The following DCC variants were observed in gnomAD, a reference collection of about 807,000 sequenced individuals.
DCC encodes DCC netrin 1 receptor.
In DCC, 58 loss-of-function variants were observed where a neutral mutation model predicts 172.5. The observed-to-expected ratio is 0.34, with a 90% CI of 0.27 to 0.42. The LOEUF (loss-of-function observed/expected upper bound fraction) is 0.42, where lower values mean the gene tolerates loss of function less well. DCC is among the 10% of genes least tolerant of loss of function. The pLI, the probability that DCC is intolerant of heterozygous loss-of-function variation, is 1.00. For missense variants in DCC, 1,740 were observed against 1,791.0 expected, an observed-to-expected ratio of 0.97 and a Z score of 0.51; for synonymous variants, 709 against 644.5, an observed-to-expected ratio of 1.10 and a Z score of -1.52.
At chr18:52,601,697 A>G (rs1488149413) in intron 1 of DCC, among the ~76,000 whole-genome samples, 1 of 152,086 alleles carries the variant, frequency 6.6e-6, no homozygotes, top group Admixed American at 6.5e-5. Context: ...ACCAATCATC[A>G]TTTTAAAACT....
At chr18:52,951,340 T>C (rs2040643115) in intron 5 of DCC, among the ~76,000 whole-genome samples, 1 of 152,168 alleles carries the variant, frequency 6.6e-6, no homozygotes, top group African/African-American at 2.4e-5. Context: ...CAGGTATACA[T>C]GTGCCACGGT....
intron 7 of DCC, among the ~76,000 whole-genome samples, chr18:53,108,008 C>A (rs1482277962): frequency 6.6e-6 from 1 of 151,560 alleles, no homozygotes; most frequent in African/African-American, 2.4e-5. Flanking sequence ...AGCAATGCAT[C>A]CGAGAAAAAT....
At chr18:52,911,359 G>T (rs890184707) in intron 3 of DCC, among the ~76,000 whole-genome samples, 1 of 152,018 alleles carries the variant, frequency 6.6e-6, no homozygotes, top group African/African-American at 2.4e-5. Context: ...GGTCATAAGG[G>T]AAGAACTGTC....
chr18:53,406,703 C>CAAAA (rs35372678), intron 19 of DCC, among the ~76,000 whole-genome samples: 5 of 92,288 alleles, frequency 5.4e-5, no homozygotes, highest in Non-Finnish European at 1.3e-4. Context: ...GACTCTGTCT[C>CAAAA]AAAAAAAAAA....
intron 1 of DCC, among the ~76,000 whole-genome samples, chr18:52,372,164 C>A (rs1985149124): frequency 6.6e-6 from 1 of 152,202 alleles, no homozygotes. Flanking sequence ...CTACAAAGAG[C>A]TGGATATCTA....
chr18:53,154,718 G>T (rs1036085996), intron 7 of DCC, among the ~76,000 whole-genome samples: 1 of 152,078 alleles, frequency 6.6e-6, no homozygotes, highest in African/African-American at 2.4e-5. Flanking sequence ...GTGAAGGAGA[G>T]TCAGGAATCA....
In DCC at chr18:52,715,805, C is replaced by A. The variant is rs117483058; in HGVS notation, c.92-36249C>A. 2.9e-3 allele frequency among the ~76,000 whole-genome samples: 438 copies of A among 152,110 alleles called. 3 individuals are homozygous for A. Among genetic ancestry groups the A allele is most frequent in the Admixed American group, 4.7e-3 (72 of 15,290 alleles). The stretch of plus-strand genomic sequence containing the variant: ...TCTTCCCACCCCTGTCACCCACTGA[C>A]ATTCCATACTGATTCCTTCTTGAAG... On this transcript the variant is annotated intron_variant, in intron 1 of 28. Transcript: ENST00000442544.
chr18:52,547,002 C>G (rs551658814), intron 1 of DCC, among the ~76,000 whole-genome samples: 6 of 152,076 alleles, frequency 3.9e-5, no homozygotes, highest in African/African-American at 1.4e-4. Context: ...AAGAGCACAC[C>G]GTCTGGAGTC....
At chr18:53,527,640 C>T (rs1215213704) in intron 28 of DCC, among the ~76,000 whole-genome samples, 1 of 151,310 alleles carries the variant, frequency 6.6e-6, no homozygotes, top group Admixed American at 6.6e-5. Flanking sequence ...AAAAAGGGTT[C>T]CAGTTAGAAA....
At chr18:52,847,758 A>G (rs1450510823) in intron 2 of DCC, among the ~76,000 whole-genome samples, 1 of 152,162 alleles carries the variant, frequency 6.6e-6, no homozygotes, top group East Asian at 1.9e-4. Flanking sequence ...CCAACTACAA[A>G]ACAGTTCCTT....
intron 7 of DCC, among the ~76,000 whole-genome samples, chr18:53,112,230 A>G (rs928290335): frequency 7.3e-5 from 11 of 151,600 alleles, no homozygotes; most frequent in Non-Finnish European, 1.5e-4. Context: ...AAAAATACTT[A>G]GCCTTTATAT....
At chr18:52,690,654 T>G (rs1048419988) in intron 1 of DCC, among the ~76,000 whole-genome samples, 3 of 152,112 alleles carry the variant, frequency 2.0e-5, no homozygotes, top group Admixed American at 1.3e-4. Context: ...ATTTTGTCAG[T>G]AGGGAATCTA....
At chr18:53,127,194 T>G (rs191722957) in intron 7 of DCC, among the ~76,000 whole-genome samples, 1 of 150,852 alleles carries the variant, frequency 6.6e-6, no homozygotes, top group African/African-American at 2.4e-5. Flanking sequence ...TTTGTAGGGA[T>G]GGGGGTCTCG....
At chr18:52,425,797 T>C (rs1340044131) in intron 1 of DCC, among the ~76,000 whole-genome samples, 1 of 152,170 alleles carries the variant, frequency 6.6e-6, no homozygotes, top group African/African-American at 2.4e-5. Flanking sequence ...ATAGAAATTA[T>C]GTGACTTTGG....
chr18:53,308,065 A>C (rs2057224340), intron 13 of DCC, among the ~76,000 whole-genome samples: 1 of 151,040 alleles, frequency 6.6e-6, no homozygotes, highest in South Asian at 2.1e-4. Context: ...CCTAGGAAGC[A>C]ATCATATTTT....
chr18:53,474,763 A>G (rs967642647), intron 25 of DCC, among the ~76,000 whole-genome samples: 2 of 152,124 alleles, frequency 1.3e-5, no homozygotes, highest in African/African-American at 4.8e-5. Flanking sequence ...TTGTTCTGGG[A>G]GTGGGGCATT....
At chr18:53,393,291 C>A (rs979096309) in intron 17 of DCC, among the ~76,000 whole-genome samples, 1 of 152,182 alleles carries the variant, frequency 6.6e-6, no homozygotes, top group Non-Finnish European at 1.5e-5. Flanking sequence ...ATTCACATTT[C>A]ATCATAAATC....
intron 5 of DCC, among the ~76,000 whole-genome samples, chr18:53,035,637 TAGC>T (rs2042082742): frequency 6.6e-6 from 1 of 152,158 alleles, no homozygotes; most frequent in African/African-American, 2.4e-5. Flanking sequence ...AGGAACATTA[TAGC>T]AGCGTAGGGA....
intron 11 of DCC, among the ~76,000 whole-genome samples, chr18:53,208,266 C>A (rs947732271): frequency 1.3e-5 from 2 of 151,658 alleles, no homozygotes; most frequent in Non-Finnish European, 2.9e-5. Context: ...CAGAGTAAGA[C>A]CCTTTCTCCA....
Sources: gnomAD v4.1 joint callset for allele counts (sites outside exome capture counted in the v4.1 genomes callset) on GRCh38, gnomAD v4.1.1 for gene constraint, MANE v1.5 for transcripts, NCBI Gene and HGNC (gene_info 2026-07-23, HGNC 2026-07-21) for gene names.